INSIG1: variants seen among roughly 807,000 people sequenced by gnomAD.
INSIG1 encodes the protein insulin induced gene 1.
A neutral mutation model predicts 26.5 loss-of-function variants in INSIG1; 14 were observed. That is an observed-to-expected ratio of 0.53 (90% CI 0.35 to 0.83). INSIG1 has a LOEUF of 0.83. INSIG1 is among the 40% of genes least tolerant of loss of function. The pLI, the probability that INSIG1 is intolerant of heterozygous loss-of-function variation, is 0.01. For missense variants in INSIG1, 272 were observed against 368.9 expected (o/e 0.74, Z 2.15); for synonymous variants, 147 against 153.3 (o/e 0.96, Z 0.30).
Position 155,302,203 on chromosome 7 carries a change from T to C in INSIG1, c.538-48T>C, listed in dbSNP as rs750409882. 37 of 1,467,198 alleles carry C rather than the reference T, an allele frequency of 2.5e-5. No individual in the cohort carries two copies. The highest frequency in any genetic ancestry group is 1.8e-4 in the Middle Eastern group (1 of 5,572). The allele number at this position is 1,467,198 out of a possible 1,614,324, so 90.9% of individuals were successfully genotyped here. On this transcript the variant is annotated intron_variant, in intron 3 of 5. Coordinates refer to ENST00000340368, the MANE Select transcript of INSIG1 (RefSeq NM_005542.6). This position sits in a 1 kb window ranked among gnomAD's most constrained non-coding sequence, Gnocchi z 4.3. ...TAACCCTTGTGGTTTTACGTTTTTT[T>C]ATCTTAATAAGAGTCAGCAAACTTT...
intron 2 of INSIG1, among the ~76,000 whole-genome samples, chr7:155,300,249 C>T (rs1797748163): frequency 6.6e-6 from 1 of 151,964 alleles, no homozygotes; most frequent in African/African-American, 2.4e-5. Flanking sequence ...AATATCTGGA[C>T]AATTTCTCAT....
chr7:155,300,515 C>G (rs11980659), intron 2 of INSIG1, among the ~76,000 whole-genome samples: 114,247 of 152,088 alleles, frequency 0.75, 43,621 homozygotes, highest in African/African-American at 0.86. Context: ...TTTCATACTA[C>G]ACTGAGGTGA....
At chr7:155,304,718 A>T (rs1797888166) in intron 5 of INSIG1, among the ~76,000 whole-genome samples, 2 of 152,216 alleles carry the variant, frequency 1.3e-5, no homozygotes, top group African/African-American at 2.4e-5. Context: ...TACAGAAAAA[A>T]ATGTTAAAGA....
intron 5 of INSIG1, among the ~76,000 whole-genome samples, chr7:155,305,001 C>T (rs1026646427): frequency 2.4e-5 from 3 of 123,074 alleles, no homozygotes; most frequent in Non-Finnish European, 5.3e-5. Context: ...AAAAAAATAG[C>T]CAGGCGTGGT....
At chr7:155,307,618 G>A (rs1288251493) in intron 5 of INSIG1, among the ~76,000 whole-genome samples, 1 of 152,182 alleles carries the variant, frequency 6.6e-6, no homozygotes, top group Admixed American at 6.5e-5. Flanking sequence ...GTCAGATGAG[G>A]AAGAACATGT....
chr7:155,307,955 A>G (rs1797979575), intron 5 of INSIG1, among the ~76,000 whole-genome samples: 1 of 152,192 alleles, frequency 6.6e-6, no homozygotes, highest in Admixed American at 6.5e-5. Flanking sequence ...CAGGCTTTAT[A>G]TAAGGGCCTC....
At chr7:155,307,854 T>C (rs1797976832) in intron 5 of INSIG1, among the ~76,000 whole-genome samples, 1 of 152,278 alleles carries the variant, frequency 6.6e-6, no homozygotes, top group Non-Finnish European at 1.5e-5. Context: ...TATCATACCC[T>C]AAGCATCACC....
At chr7:155,298,157 G>GGGC in intron 1 of INSIG1, 102 bp from the exon 2 acceptor site, 1 of 1,026,874 alleles carries the variant, frequency 9.7e-7, no homozygotes, top group Non-Finnish European at 1.3e-6. Context: ...TAACCTTGGG[G>GGGC]GGCGGCGCTG....
At chr7:155,301,193 G>T (rs772534520) in intron 2 of INSIG1, among the ~76,000 whole-genome samples, 1 of 152,160 alleles carries the variant, frequency 6.6e-6, no homozygotes, top group African/African-American at 2.4e-5. Context: ...AAATCACACC[G>T]GATGAAAAGA....
intron 2 of INSIG1, among the ~76,000 whole-genome samples, chr7:155,300,186 A>G (rs1797746633): frequency 6.6e-6 from 1 of 152,238 alleles, no homozygotes; most frequent in Non-Finnish European, 1.5e-5. Context: ...GATCTTAGAA[A>G]TGAAATAGTT....
At chr7:155,300,428 A>C (rs1276977110) in intron 2 of INSIG1, among the ~76,000 whole-genome samples, 1 of 150,506 alleles carries the variant, frequency 6.6e-6, no homozygotes, top group African/African-American at 2.5e-5. Context: ...TAATAAATTG[A>C]AAACAACATT....
intron 5 of INSIG1, among the ~76,000 whole-genome samples, chr7:155,306,291 C>T (rs888571704): frequency 3.3e-5 from 5 of 152,244 alleles, no homozygotes; most frequent in African/African-American, 4.8e-5. Context: ...TGAGCCACCG[C>T]GCCCGGCCCA....
Position 155,298,004 on chromosome 7 carries a change from C to T in INSIG1, c.-28+45C>T, listed in dbSNP as rs1012266550. The T allele has an allele frequency of 3.5e-5, 11 of 310,716 alleles. No homozygotes were observed. The South Asian group carries it at 7.5e-4, about 21-fold the overall frequency. The allele number at this position is 310,716 out of a possible 1,614,324, so 19.2% of individuals were successfully genotyped here. On this transcript the variant is annotated intron_variant, in intron 1 of 5. Coordinates refer to ENST00000340368, the MANE Select transcript of INSIG1 (RefSeq NM_005542.6). ...AGGGGTCGCGGGCGGGCTTTGGTCG[C>T]GCAGCAGCCGGTCCTCCCCGGAGGT...
At chr7:155,303,069 C>T in intron 5 of INSIG1, 1 of 411,014 alleles carries the variant, frequency 2.4e-6, no homozygotes, top group East Asian at 4.3e-5. Context: ...GAACTAGAGC[C>T]CTCGCACTGC....
chr7:155,301,925 TTATA>T (rs1184398741), intron 3 of INSIG1, among the ~76,000 whole-genome samples: 4 of 89,908 alleles, frequency 4.4e-5, no homozygotes, highest in African/African-American at 1.5e-4. Flanking sequence ...TTTATATATA[TTATA>T]TATATTTTTA....
Position 155,308,867 on chromosome 7 carries a change from C to G in INSIG1, c.*597C>G, listed in dbSNP as rs1238772655. 1 of 152,990 alleles carries G rather than the reference C, an allele frequency of 6.5e-6. No individual in the cohort carries two copies. The highest frequency in any genetic ancestry group is 1.5e-5 in the Non-Finnish European group (1 of 68,278). The allele number at this position is 152,990 out of a possible 1,614,324, so 9.5% of individuals were successfully genotyped here. Reference sequence around the variant, plus strand: ...GCAGTGGCGTGTTTACATGGTCACACGTGTGTGTATCACCAGTGGGTCAAC... The same window carrying G: ...GCAGTGGCGTGTTTACATGGTCACAGGTGTGTGTATCACCAGTGGGTCAAC... On this transcript the variant is annotated 3_prime_UTR_variant, in exon 6 of 6. Coordinates refer to ENST00000340368, the MANE Select transcript of INSIG1 (RefSeq NM_005542.6).
Position 155,309,602 on chromosome 7 carries a change from C to A in INSIG1, c.*1332C>A, listed in dbSNP as rs1798030249. On this transcript the variant is annotated 3_prime_UTR_variant, in exon 6 of 6. Transcript: ENST00000340368. Reference sequence around the variant, plus strand: ...TGAAAGTGGCTTGATTAAAAGACTCCTTTTAAATGGAAGCCACCAGTCAGC... The same window carrying A: ...TGAAAGTGGCTTGATTAAAAGACTCATTTTAAATGGAAGCCACCAGTCAGC... The A allele has an allele frequency of 6.6e-6, 1 of 152,116 alleles. No homozygotes were observed. Among genetic ancestry groups the A allele is most frequent in the African/African-American group, 2.4e-5 (1 of 41,412 alleles). 9.4% of individuals were successfully genotyped at this position (152,116 alleles called of 1,614,324 possible).
chr7:155,298,826 C>A, intron 2 of INSIG1, 129 bp downstream of exon 2: 1 of 993,440 alleles, frequency 1.0e-6, no homozygotes, highest in Non-Finnish European at 1.4e-6. Flanking sequence ...CATCTCCAGT[C>A]TTGGGATTTA....
In INSIG1 at chr7:155,302,454, T is replaced by G; in HGVS notation, c.704+37T>G. On this transcript the variant is annotated intron_variant, in intron 4 of 5. Transcript: ENST00000340368. This position sits in a 1 kb window ranked among gnomAD's most constrained non-coding sequence, Gnocchi z 4.3. ...TTTTCAAATATTGGCTTTGGAAAGC[T>G]TACTTAACTTTCATTAAAACATCCA... 6.6e-7 allele frequency: 1 copy of G among 1,525,188 alleles called. No individual in the cohort carries two copies. The allele number at this position is 1,525,188 out of a possible 1,614,324, so 94.5% of individuals were successfully genotyped here. A position where few individuals can be genotyped will look rare whatever the true frequency, so the allele number is the denominator to read the frequency against.
Sources: allele counts gnomAD v4.1 joint callset (sites outside exome capture counted in the v4.1 genomes callset), GRCh38; gene constraint gnomAD v4.1.1; non-coding constraint Gnocchi (gnomAD v3.1); transcripts MANE v1.5; gene names NCBI Gene and HGNC (gene_info 2026-07-23, HGNC 2026-07-21).